ASTN2: variants seen among roughly 807,000 people sequenced by gnomAD.
The protein encoded by ASTN2 is astrotactin 2.
ASTN2 carries 54 observed loss-of-function variants against 139.8 expected under a neutral mutation model. The ratio of observed to expected loss-of-function variants is 0.39; its 90% CI spans 0.31 to 0.48. The LOEUF is 0.48. ASTN2 is among the 20% of genes least tolerant of loss of function. The pLI is 0.95. For synonymous variants in ASTN2, 756 were observed against 719.5 expected, an observed-to-expected ratio of 1.05 and a Z score of -0.81; for missense variants, 1,565 against 1,725.1, an observed-to-expected ratio of 0.91 and a Z score of 1.64.
chr9:116,595,641 T>C (rs922350886), intron 19 of ASTN2, among the ~76,000 whole-genome samples: 1 of 152,076 alleles, frequency 6.6e-6, no homozygotes, highest in African/African-American at 2.4e-5. Flanking sequence ...GCTTCATTCT[T>C]GTTTGGGCTC....
intron 7 of ASTN2, among the ~76,000 whole-genome samples, chr9:116,993,660 A>T (rs1836923722): frequency 6.7e-6 from 1 of 148,260 alleles, no homozygotes; most frequent in South Asian, 2.1e-4. Context: ...ACTATATTTC[A>T]TATATAGTAA....
chr9:117,132,901 A>G (rs1451610577), intron 4 of ASTN2, among the ~76,000 whole-genome samples: 3 of 152,174 alleles, frequency 2.0e-5, no homozygotes, highest in African/African-American at 7.2e-5. Context: ...GGATTTCCAT[A>G]AGCATCCTAG....
rs567079031 is a variant in ASTN2 at position 116,918,534 on chromosome 9, C to G, written c.1890-54801G>C. 4.6e-5 allele frequency among the ~76,000 whole-genome samples: 7 copies of G among 152,274 alleles called. No homozygotes were observed. In the South Asian group the frequency reaches 1.0e-3, roughly 23 times the overall value. Reference sequence around the variant, plus strand: ...AACCCTTTATGAATCAGATAAGGGCCAGATTCCATAGGCTTCTTTCAAACT... The same window carrying G: ...AACCCTTTATGAATCAGATAAGGGCGAGATTCCATAGGCTTCTTTCAAACT... On this transcript the variant is annotated intron_variant, in intron 10 of 22. Coordinates refer to ENST00000313400, the MANE Select transcript of ASTN2 (RefSeq NM_001365068.1).
At chr9:117,042,480 A>G (rs1165022973) in intron 5 of ASTN2, among the ~76,000 whole-genome samples, 1 of 152,182 alleles carries the variant, frequency 6.6e-6, no homozygotes, top group Non-Finnish European at 1.5e-5. Flanking sequence ...TTTAGAATAA[A>G]TGTTAAATAG....
At chr9:116,473,185 C>T (rs1454807696) in intron 20 of ASTN2, among the ~76,000 whole-genome samples, 1 of 152,142 alleles carries the variant, frequency 6.6e-6, no homozygotes, top group East Asian at 1.9e-4. Flanking sequence ...TGGCTGATAG[C>T]TACACTGCAT....
intron 3 of ASTN2, among the ~76,000 whole-genome samples, chr9:117,147,465 C>CACACACA (rs61232645): frequency 3.0e-4 from 43 of 143,582 alleles, no homozygotes; most frequent in East Asian, 1.4e-3. Context: ...ACACACACAC[C>CACACACA]CCCGTTATCC....
chr9:117,129,863 C>T (rs1387030704), intron 4 of ASTN2, among the ~76,000 whole-genome samples: 1 of 151,972 alleles, frequency 6.6e-6, no homozygotes, highest in African/African-American at 2.4e-5. Context: ...ATTAATTTTG[C>T]CATATGATTC....
At chr9:117,352,572 G>A (rs1829421950) in intron 1 of ASTN2, among the ~76,000 whole-genome samples, 1 of 152,194 alleles carries the variant, frequency 6.6e-6, no homozygotes, top group Admixed American at 6.5e-5. Context: ...TGGACAAAGA[G>A]TGGTAGGAGA....
chr9:117,219,795 G>A (rs1832455395), intron 2 of ASTN2, among the ~76,000 whole-genome samples: 1 of 152,104 alleles, frequency 6.6e-6, no homozygotes, highest in African/African-American at 2.4e-5. Context: ...GTCTCTCTAG[G>A]CAGGATCAGC....
intron 16 of ASTN2, among the ~76,000 whole-genome samples, chr9:116,720,239 G>A (rs1429394873): frequency 6.6e-6 from 1 of 152,174 alleles, no homozygotes; most frequent in African/African-American, 2.4e-5. Context: ...AAATGGAAGT[G>A]CAGAAATGCA....
chr9:116,518,008 A>G (rs2119218965), intron 19 of ASTN2, among the ~76,000 whole-genome samples: 1 of 152,340 alleles, frequency 6.6e-6, no homozygotes, highest in African/African-American at 2.4e-5. Context: ...ATTTGGGACT[A>G]TGCTAAACAT....
At chr9:117,113,941 C>G (rs1829312880) in intron 4 of ASTN2, among the ~76,000 whole-genome samples, 2 of 152,022 alleles carry the variant, frequency 1.3e-5, no homozygotes, top group Non-Finnish European at 2.9e-5. Flanking sequence ...ATACATCTTT[C>G]AAAACTCATT....
intron 4 of ASTN2, among the ~76,000 whole-genome samples, chr9:117,107,494 C>T (rs570105486): frequency 6.6e-6 from 1 of 152,234 alleles, no homozygotes; most frequent in Admixed American, 6.5e-5. Flanking sequence ...TCATTGTTTT[C>T]AAATCTTAGT....
intron 3 of ASTN2, among the ~76,000 whole-genome samples, chr9:117,148,399 C>T (rs1830250710): frequency 6.6e-6 from 1 of 152,214 alleles, no homozygotes; most frequent in African/African-American, 2.4e-5. Flanking sequence ...AACCTGTCAG[C>T]TTCATGACAT....
At chr9:117,029,874 C>A (rs1838197668) in intron 6 of ASTN2, among the ~76,000 whole-genome samples, 1 of 152,034 alleles carries the variant, frequency 6.6e-6, no homozygotes. Context: ...CTAAGGTTTT[C>A]TTTATACATA....
chr9:116,679,165 A>G (rs1485610757), intron 16 of ASTN2, among the ~76,000 whole-genome samples: 1 of 152,158 alleles, frequency 6.6e-6, no homozygotes, highest in Non-Finnish European at 1.5e-5. Context: ...TGAATTAGTT[A>G]TGGTTATCAT....
chr9:117,379,978 G>A (rs1482619018), intron 1 of ASTN2, among the ~76,000 whole-genome samples: 1 of 152,070 alleles, frequency 6.6e-6, no homozygotes, highest in Non-Finnish European at 1.5e-5. Context: ...TGTAGAAGAT[G>A]GATAAGAAGA....
At chr9:117,363,946 G>T (rs1267765214) in intron 1 of ASTN2, among the ~76,000 whole-genome samples, 3 of 152,146 alleles carry the variant, frequency 2.0e-5, no homozygotes, top group African/African-American at 7.2e-5. Flanking sequence ...GCAAGCGTGG[G>T]CTGTTTTGTT....
chr9:116,839,878 A>ATTT (rs1297483642), intron 11 of ASTN2, among the ~76,000 whole-genome samples: 3 of 104,774 alleles, frequency 2.9e-5, no homozygotes, highest in South Asian at 5.7e-4. Context: ...TATTATTATT[A>ATTT]TTATTTTTTT....
Sources: allele counts gnomAD v4.1 joint callset (sites outside exome capture counted in the v4.1 genomes callset), GRCh38; gene constraint gnomAD v4.1.1; transcripts MANE v1.5; gene names NCBI Gene and HGNC (gene_info 2026-07-23, HGNC 2026-07-21).